Variants in PRR16 observed in about 807,000 individuals in gnomAD.
PRR16 encodes the protein protein Largen.
A neutral mutation model predicts 18.2 loss-of-function variants in PRR16; 6 were observed. The observed-to-expected ratio is 0.33, with a 90% confidence interval of 0.18 to 0.65. PRR16 has a LOEUF of 0.65. Among genes scored for constraint, PRR16 ranks in the 30% least tolerant of loss-of-function variants. PRR16 has a pLI of 0.74. For synonymous variants in PRR16, 151 were observed against 147.8 expected (o/e 1.02, Z -0.16); for missense variants, 412 against 376.6 (o/e 1.09, Z -0.78).
chr5:120,488,424 G>T (rs1749896100), intron 1 of PRR16, among the ~76,000 whole-genome samples: 1 of 152,168 alleles, frequency 6.6e-6, no homozygotes, highest in African/African-American at 2.4e-5. Context: ...AGATTTTCTA[G>T]TTTATTTGTG....
chr5:120,757,751 T>G, the PRR16 span, among the ~76,000 whole-genome samples: 3 of 152,072 alleles, frequency 2.0e-5, no homozygotes, highest in South Asian at 6.2e-4. Flanking sequence ...ATTGGCGATG[T>G]GTAACTAATG....
intron 1 of PRR16, among the ~76,000 whole-genome samples, chr5:120,615,436 A>T (rs1236705844): frequency 7.5e-6 from 1 of 133,180 alleles, no homozygotes; most frequent in South Asian, 2.3e-4. Context: ...GTGGAGGTGG[A>T]TACAGAGATA....
At chr5:120,718,507 C>T in the PRR16 span, among the ~76,000 whole-genome samples, 1 of 152,048 alleles carries the variant, frequency 6.6e-6, no homozygotes, top group African/African-American at 2.4e-5. Context: ...GTAGTCAATT[C>T]TTTCTTGTGT....
rs146326093 is a variant in PRR16 at position 120,585,513 on chromosome 5, C to T, written c.160-100441C>T. ...CAAGTGCCTGTAATCCAGCTACTCACGAGGCTGAGACAGGAGAATCTCTTG... is the reference window on the plus strand; with the variant it reads ...CAAGTGCCTGTAATCCAGCTACTCATGAGGCTGAGACAGGAGAATCTCTTG... On this transcript the variant is annotated intron_variant, in intron 1 of 1. Transcript: ENST00000407149. Among the ~76,000 whole-genome samples the T allele has an allele frequency of 1.3e-4, 20 of 151,580 alleles. No homozygotes were observed. In the East Asian group the frequency reaches 1.8e-3, roughly 13 times the overall value.
intron 1 of PRR16, among the ~76,000 whole-genome samples, chr5:120,674,681 T>A (rs1181367725): frequency 2.6e-5 from 4 of 152,076 alleles, no homozygotes; most frequent in African/African-American, 4.8e-5. Context: ...ACCATGAAAT[T>A]TTTATTCTTC....
chr5:120,713,046 CA>C, the PRR16 span, among the ~76,000 whole-genome samples: 3 of 152,016 alleles, frequency 2.0e-5, no homozygotes, highest in Non-Finnish European at 2.9e-5. Context: ...TCACAATAGC[CA>C]AAATGTGAAA....
chr5:120,553,202 A>C (rs1227966325), intron 1 of PRR16, among the ~76,000 whole-genome samples: 1 of 151,908 alleles, frequency 6.6e-6, no homozygotes, highest in Admixed American at 6.6e-5. Flanking sequence ...TAATCTCATC[A>C]CATTCATTTA....
chr5:120,508,927 C>T (rs1426907773), intron 1 of PRR16, among the ~76,000 whole-genome samples: 1 of 151,908 alleles, frequency 6.6e-6, no homozygotes, highest in African/African-American at 2.4e-5. Flanking sequence ...CTATATGCTC[C>T]TTTTTGTATA....
At chr5:120,786,426 T>A in the PRR16 span, among the ~76,000 whole-genome samples, 1 of 151,382 alleles carries the variant, frequency 6.6e-6, no homozygotes, top group East Asian at 1.9e-4. Flanking sequence ...TAAGACAGAT[T>A]TTTTTTAACA....
the PRR16 span, among the ~76,000 whole-genome samples, chr5:120,769,873 T>A: frequency 3.3e-5 from 5 of 151,888 alleles, no homozygotes; most frequent in Non-Finnish European, 7.4e-5. Flanking sequence ...TGACACTTGT[T>A]TTCTTTTGAT....
At chr5:120,726,506 C>A in the PRR16 span, among the ~76,000 whole-genome samples, 1 of 151,912 alleles carries the variant, frequency 6.6e-6, no homozygotes, top group African/African-American at 2.4e-5. Flanking sequence ...TCTTCTGGCT[C>A]CTGACAAACA....
chr5:120,584,513 G>C (rs1753375348), intron 1 of PRR16, among the ~76,000 whole-genome samples: 1 of 152,072 alleles, frequency 6.6e-6, no homozygotes, highest in South Asian at 2.1e-4. Flanking sequence ...ATTTTAAAAA[G>C]TATTTTATGA....
chr5:120,713,171 C>A, the PRR16 span, among the ~76,000 whole-genome samples: 1,335 of 152,144 alleles, frequency 8.8e-3, 8 homozygotes, highest in Non-Finnish European at 0.013. Context: ...AAAATACTGC[C>A]ATTTGTGACA....
the PRR16 span, among the ~76,000 whole-genome samples, chr5:120,762,111 C>T: frequency 3.3e-5 from 5 of 151,966 alleles, no homozygotes; most frequent in Admixed American, 6.6e-5. Flanking sequence ...TTCATTCATT[C>T]GTTGATGGAC....
chr5:120,591,464 T>G (rs893091587), intron 1 of PRR16, among the ~76,000 whole-genome samples: 1 of 152,056 alleles, frequency 6.6e-6, no homozygotes, highest in Non-Finnish European at 1.5e-5. Flanking sequence ...GATATAATCC[T>G]TATTCGTTTA....
intron 1 of PRR16, among the ~76,000 whole-genome samples, chr5:120,532,189 T>A (rs1321480198): frequency 6.6e-6 from 1 of 152,192 alleles, no homozygotes; most frequent in African/African-American, 2.4e-5. Flanking sequence ...TTAGGCATGA[T>A]TACACAGAAA....
At chr5:120,544,929 ATATC>A (rs1194539814) in intron 1 of PRR16, among the ~76,000 whole-genome samples, 1 of 152,166 alleles carries the variant, frequency 6.6e-6, no homozygotes, top group Non-Finnish European at 1.5e-5. Flanking sequence ...GAAATCTGAA[ATATC>A]TCACAAGTGA....
chr5:120,743,213 G>T, the PRR16 span, among the ~76,000 whole-genome samples: 1 of 151,202 alleles, frequency 6.6e-6, no homozygotes, highest in Non-Finnish European at 1.5e-5. Flanking sequence ...GTCTATTTTC[G>T]GGCATTCACC....
the PRR16 span, chr5:120,790,314 A>G: frequency 6.6e-6 from 1 of 152,232 alleles, no homozygotes; most frequent in African/African-American, 2.4e-5. Flanking sequence ...TTTGGAAATA[A>G]ACTGTTCCCA....
Sources: gnomAD v4.1 joint callset for allele counts (sites outside exome capture counted in the v4.1 genomes callset) on GRCh38, gnomAD v4.1.1 for gene constraint, MANE v1.5 for transcripts, NCBI Gene and HGNC (gene_info 2026-07-23, HGNC 2026-07-21) for gene names.